TMEM94: variants seen among roughly 807,000 people sequenced by gnomAD.
TMEM94 encodes ER Mg2+ ATPase.
Under a neutral mutation model 158.6 loss-of-function variants are expected in TMEM94, and 81 were observed. The observed-to-expected ratio is 0.51, with a 90% confidence interval of 0.43 to 0.61. The LOEUF is 0.61. Among genes scored for constraint, TMEM94 ranks in the 20% least tolerant of loss-of-function variants. TMEM94 has a pLI of 0.00. For synonymous variants in TMEM94, 751 were observed against 730.7 expected (o/e 1.03, Z -0.45); for missense variants, 1,435 against 1,762.0 (o/e 0.81, Z 3.32).
chr17:75,496,476 G>T lies in TMEM94; in HGVS notation c.3243+5G>T. 1 of 1,609,930 alleles carries T rather than the reference G, an allele frequency of 6.2e-7. No individual in the cohort carries two copies. The highest frequency in any genetic ancestry group is 8.5e-7 in the Non-Finnish European group (1 of 1,177,430). The stretch of plus-strand genomic sequence containing the variant: ...ATCATCCGGCTTATCGAACAGGTGG[G>T]TGCTTCGGCAGGCAAAGGAGGAGAG... On this transcript the variant is annotated splice_donor_5th_base_variant and intron_variant, in intron 24 of 31. Coordinates refer to ENST00000314256, the MANE Select transcript of TMEM94 (RefSeq NM_014738.6).
intron 1 of TMEM94, among the ~76,000 whole-genome samples, chr17:75,471,252 AAAGAAAGAAAG>A (rs2050493204): frequency 9.2e-6 from 1 of 108,614 alleles, no homozygotes; most frequent in Non-Finnish European, 1.6e-5. Context: ...AAAAAAAAAA[AAAGAAAGAAAG>A]AAAGAAAGAA....
Position 75,486,014 on chromosome 17 carries a change from C to T in TMEM94, c.272+16C>T, listed in dbSNP as rs1423390716. The T allele has an allele frequency of 2.0e-6, 3 of 1,514,796 alleles. No homozygotes were observed. The highest frequency in any genetic ancestry group is 3.8e-5 in the Admixed American group (2 of 53,088). The allele number at this position is 1,514,796 out of a possible 1,614,324, so 93.8% of individuals were successfully genotyped here. ...CAGCCGGGAGGTGTGCGCCCAGGGG[C>T]TGCTCCCCAACCTCTCCAGCTGTGC... On this transcript the variant is annotated intron_variant, in intron 4 of 31. Coordinates refer to ENST00000314256, the MANE Select transcript of TMEM94 (RefSeq NM_014738.6).
At position 75,490,343 on chromosome 17, in the gene TMEM94, G is replaced by C. The variant is rs1430842289; in HGVS notation, c.1064G>C (p.Ser355Thr). Residue 355 changes from serine to threonine, a missense_variant, in exon 10 of 32, where the codon AGC becomes ACC. Around this residue, in one of 3 missense-constraint regions of TMEM94, gnomAD observed 1,051 missense variants for 1,254.4 expected, o/e 0.84. Coordinates refer to ENST00000314256, the MANE Select transcript of TMEM94 (RefSeq NM_014738.6). The stretch of plus-strand genomic sequence containing the variant: ...GCCCAGATGAGCAAGGCCTCACCCA[G>C]CTCCCTGGTAGGTTTTTCCAAGGTG... ...VLAQMSKASP[S>T]SLLAKFSEDT... 3 of 1,613,074 alleles carry C rather than the reference G, an allele frequency of 1.9e-6. No individual in the cohort carries two copies. Among genetic ancestry groups the C allele is most frequent in the Non-Finnish European group, 2.5e-6 (3 of 1,179,798 alleles).
intron 2 of TMEM94, among the ~76,000 whole-genome samples, chr17:75,475,154 A>G (rs946030301): frequency 1.3e-5 from 2 of 152,202 alleles, no homozygotes; most frequent in Non-Finnish European, 2.9e-5. Context: ...GCAGAGCAGC[A>G]GCATCCTCAC....
intron 1 of TMEM94, among the ~76,000 whole-genome samples, chr17:75,464,975 A>G (rs1055449210): frequency 6.6e-6 from 1 of 151,938 alleles, no homozygotes; most frequent in Non-Finnish European, 1.5e-5. Flanking sequence ...CTGGGATTAC[A>G]GGCATGAGCC....
In TMEM94 at chr17:75,500,423, G is replaced by A. The variant is rs1421711031; in HGVS notation, c.*1089G>A. The A allele has an allele frequency of 6.5e-6, 1 of 152,734 alleles. No homozygotes were observed. The highest frequency in any genetic ancestry group is 1.5e-5 in the Non-Finnish European group (1 of 68,436). The allele number at this position is 152,734 out of a possible 1,614,324, so 9.5% of individuals were successfully genotyped here. On this transcript the variant is annotated 3_prime_UTR_variant, in exon 32 of 32. Coordinates refer to ENST00000314256, the MANE Select transcript of TMEM94 (RefSeq NM_014738.6). ...CTCCCCCATTGTGTCCTCTCAGGCA[G>A]TTGATAGAATAAATTCCATTTAAAA...
Position 75,495,643 on chromosome 17 carries a change from A to C in TMEM94, c.2944A>C (p.Thr982Pro). 1 of 1,613,160 alleles carries C rather than the reference A, an allele frequency of 6.2e-7. No homozygotes were observed. Among genetic ancestry groups the C allele is most frequent in the South Asian group, 1.1e-5 (1 of 91,066 alleles). The change falls in exon 22 of 32, where the codon ACC becomes CCC. Residue 982 changes from threonine to proline, a missense_variant and splice_region_variant. Thr to Pro is a conservative substitution (Grantham distance 38). Coordinates refer to ENST00000314256, the MANE Select transcript of TMEM94 (RefSeq NM_014738.6). The surrounding 1 kb of genome is among the most constrained non-coding windows in gnomAD (Gnocchi z 5.6). ...CCTTTTCACCGACTGCACCCCAGAGAGTGAGTGCTGTGGCCATGGGTACTT... is the reference window on the plus strand; with the variant it reads ...CCTTTTCACCGACTGCACCCCAGAGCGTGAGTGCTGTGGCCATGGGTACTT... ...VPLFTDCTPE[T>P]MCEMIKIMQE... is the part of the protein sequence containing the mutation.
Position 75,493,936 on chromosome 17 carries a change from A to G in TMEM94, c.2407+20A>G, listed in dbSNP as rs1041084017. On this transcript the variant is annotated intron_variant, in intron 18 of 31. Transcript: ENST00000314256. Reference sequence around the variant, plus strand: ...CTGACGGTACCTCATGGGTCTGTCCAGCGGGGCTGGTGCTGGGGCTCCCCT... The same window carrying G: ...CTGACGGTACCTCATGGGTCTGTCCGGCGGGGCTGGTGCTGGGGCTCCCCT... The G allele has an allele frequency of 9.4e-6, 15 of 1,597,460 alleles. No individual in the cohort carries two copies. The highest frequency in any genetic ancestry group is 1.1e-5 in the Non-Finnish European group (13 of 1,171,342).
In TMEM94 at chr17:75,495,872, A is replaced by G; in HGVS notation, c.2945-94A>G. 1.0e-6 allele frequency: 1 copy of G among 956,342 alleles called. No homozygotes were observed. The highest frequency in any genetic ancestry group is 1.6e-6 in the Non-Finnish European group (1 of 613,950). The allele number at this position is 956,342 out of a possible 1,614,324, so 59.2% of individuals were successfully genotyped here. A position where few individuals can be genotyped will look rare whatever the true frequency, so the allele number is the denominator to read the frequency against. ...TGTTTCAAAGAGGGGCCCACCTCCC[A>G]TCGCCTCCTGCTCTCCTGTCCCATG... On this transcript the variant is annotated intron_variant, in intron 22 of 31. Coordinates refer to ENST00000314256, the MANE Select transcript of TMEM94 (RefSeq NM_014738.6). The surrounding 1 kb of genome is among the most constrained non-coding windows in gnomAD (Gnocchi z 5.6).
intron 4 of TMEM94, 94 bp downstream of exon 4, chr17:75,486,092 C>T: frequency 6.8e-7 from 1 of 1,470,034 alleles, no homozygotes; most frequent in Non-Finnish European, 9.0e-7. Context: ...GGGGCTGTCA[C>T]CCCCAAGCTG....
Position 75,485,707 on chromosome 17 carries a change from G to T in TMEM94, c.144+160G>T, listed in dbSNP as rs1022720906. 20 of 1,328,496 alleles carry T rather than the reference G, an allele frequency of 1.5e-5. No homozygotes were observed. The Admixed American group carries it at 2.9e-4, about 19-fold the overall frequency. The allele number at this position is 1,328,496 out of a possible 1,614,324, so 82.3% of individuals were successfully genotyped here. On this transcript the variant is annotated intron_variant, in intron 3 of 31. Coordinates refer to ENST00000314256, the MANE Select transcript of TMEM94 (RefSeq NM_014738.6). This position sits in a 1 kb window ranked among gnomAD's most constrained non-coding sequence, Gnocchi z 5.5. ...AGAAGCCAAGGTTCCCCTCAGAGTG[G>T]CTCCTGAGCCTGCTTGCTGCAGGAG... is the stretch of plus-strand genomic sequence containing the variant.
At chr17:75,481,453 C>A (rs1008855469) in intron 2 of TMEM94, among the ~76,000 whole-genome samples, 1 of 152,200 alleles carries the variant, frequency 6.6e-6, no homozygotes, top group African/African-American at 2.4e-5. Flanking sequence ...TCCCTCAGGC[C>A]AGCACTGGGG....
Position 75,496,270 on chromosome 17 carries a change from C to T in TMEM94, c.3054-12C>T. On this transcript the variant is annotated splice_polypyrimidine_tract_variant and intron_variant, in intron 23 of 31. Transcript: ENST00000314256. ...ATACAGCTGAAGTGTGTGTGTCCCCCACCCTGAGCAGCATTGCCCTGGATC... is the reference window on the plus strand; with the variant it reads ...ATACAGCTGAAGTGTGTGTGTCCCCTACCCTGAGCAGCATTGCCCTGGATC... The T allele has an allele frequency of 6.2e-7, 1 of 1,614,146 alleles. No individual in the cohort carries two copies. The highest frequency in any genetic ancestry group is 8.5e-7 in the Non-Finnish European group (1 of 1,180,020).
In TMEM94 at chr17:75,489,454, G is replaced by A; in HGVS notation, c.867+86G>A. 1 of 1,483,442 alleles carries A rather than the reference G, an allele frequency of 6.7e-7. No homozygotes were observed. Among genetic ancestry groups the A allele is most frequent in the South Asian group, 1.1e-5 (1 of 88,278 alleles). 91.9% of individuals were successfully genotyped at this position (1,483,442 alleles called of 1,614,324 possible). On this transcript the variant is annotated intron_variant, in intron 8 of 31. Coordinates refer to ENST00000314256, the MANE Select transcript of TMEM94 (RefSeq NM_014738.6). This position sits in a 1 kb window ranked among gnomAD's most constrained non-coding sequence, Gnocchi z 5.0. The stretch of plus-strand genomic sequence containing the variant: ...GGTCTCAGGGCCACTCACATGAGCG[G>A]GAGTGAATGCAGAGGGTCCCAGAGT...
intron 1 of TMEM94, among the ~76,000 whole-genome samples, chr17:75,463,178 G>GTGTATATATA (rs1180723796): frequency 6.6e-5 from 1 of 15,082 alleles, no homozygotes; most frequent in African/African-American, 1.7e-4. Context: ...GTGTGTGTGT[G>GTGTATATATA]TATATATATA....
intron 6 of TMEM94, 137 bp downstream of exon 6, chr17:75,488,271 C>T (rs2051800355): frequency 2.7e-6 from 2 of 748,276 alleles, no homozygotes; most frequent in East Asian, 2.7e-5. Flanking sequence ...GAACATCTTC[C>T]TCCACCCTGC....
Position 75,492,374 on chromosome 17 carries a change from A to T in TMEM94, c.1597-100A>T. 1 of 1,465,856 alleles carries T rather than the reference A, an allele frequency of 6.8e-7. No homozygotes were observed. The highest frequency in any genetic ancestry group is 2.4e-5 in the East Asian group (1 of 41,374). 90.8% of individuals were successfully genotyped at this position (1,465,856 alleles called of 1,614,324 possible). A position where few individuals can be genotyped will look rare whatever the true frequency, so the allele number is the denominator to read the frequency against. On this transcript the variant is annotated intron_variant, in intron 14 of 31. Coordinates refer to ENST00000314256, the MANE Select transcript of TMEM94 (RefSeq NM_014738.6). The surrounding 1 kb of genome is among the most constrained non-coding windows in gnomAD (Gnocchi z 4.4). ...CTCTCTCCTGGGAAGGGTGCCTTTC[A>T]GGGGCAGGAGCCCTCCCCAGCCTTG... is the stretch of plus-strand genomic sequence containing the variant.
Position 75,496,431 on chromosome 17 carries a change from G to A in TMEM94, c.3203G>A (p.Arg1068His), listed in dbSNP as rs150871540. Residue 1068 changes from arginine to histidine, a missense_variant, in exon 24 of 32, where the codon CGC becomes CAC. Coordinates refer to ENST00000314256, the MANE Select transcript of TMEM94 (RefSeq NM_014738.6). ...LNSLPCSLTF[R>H]QEETISIIRL... ...AGCCTGCCCTGTTCCCTGACCTTTCGCCAGGAGGAGACCATCAGCATCATC... is the reference window on the plus strand; with the variant it reads ...AGCCTGCCCTGTTCCCTGACCTTTCACCAGGAGGAGACCATCAGCATCATC... 18 of 1,613,494 alleles carry A rather than the reference G, an allele frequency of 1.1e-5. No individual in the cohort carries two copies. In the East Asian group the frequency reaches 1.6e-4, roughly 14 times the overall value.
rs1452131021 is a variant in TMEM94, at chr17:75,487,472, G to C, written c.410-460G>C. The C allele has an allele frequency of 6.3e-6, 1 of 157,884 alleles. No homozygotes were observed. Among genetic ancestry groups the C allele is most frequent in the African/African-American group, 2.4e-5 (1 of 41,494 alleles). The allele number at this position is 157,884 out of a possible 1,614,324, so 9.8% of individuals were successfully genotyped here. A position where few individuals can be genotyped will look rare whatever the true frequency, so the allele number is the denominator to read the frequency against. Reference sequence around the variant, plus strand: ...CTCTTTCAGGAAGCCACCTCTGATCGCCCCAGCAAATCGGTTTGCTCCCTC... The same window carrying C: ...CTCTTTCAGGAAGCCACCTCTGATCCCCCCAGCAAATCGGTTTGCTCCCTC... On this transcript the variant is annotated intron_variant, in intron 5 of 31. Coordinates refer to ENST00000314256, the MANE Select transcript of TMEM94 (RefSeq NM_014738.6). The surrounding 1 kb of genome is among the most constrained non-coding windows in gnomAD (Gnocchi z 4.6).
Sources: allele counts gnomAD v4.1 joint callset (sites outside exome capture counted in the v4.1 genomes callset), GRCh38; gene constraint gnomAD v4.1.1; regional missense constraint gnomAD v4.1.1; non-coding constraint Gnocchi (gnomAD v3.1); transcripts MANE v1.5; gene names NCBI Gene and HGNC (gene_info 2026-07-23, HGNC 2026-07-21).